Variants in ATP6V1H observed in about 807,000 individuals in gnomAD.
ATP6V1H encodes the protein V-type proton ATPase subunit H.
Under a neutral mutation model 71.7 loss-of-function variants are expected in ATP6V1H, and 39 were observed. That is an observed-to-expected ratio of 0.54 (90% CI 0.42 to 0.71). The LOEUF (loss-of-function observed/expected upper bound fraction) is 0.71. Ranked by LOEUF, ATP6V1H falls within the 30% of genes least tolerant of loss-of-function variation. The pLI is 0.00. For synonymous variants in ATP6V1H, 192 were observed against 199.3 expected (o/e 0.96, Z 0.31); for missense variants, 509 against 594.9 (o/e 0.86, Z 1.50).
At chr8:53,741,498 G>T (rs1807412064) in intron 13 of ATP6V1H, among the ~76,000 whole-genome samples, 1 of 152,114 alleles carries the variant, frequency 6.6e-6, no homozygotes, top group Non-Finnish European at 1.5e-5. Flanking sequence ...AAAACATCTG[G>T]CAACTATAAG....
chr8:53,764,871 G>A (rs552768433), intron 11 of ATP6V1H, among the ~76,000 whole-genome samples: 1 of 152,242 alleles, frequency 6.6e-6, no homozygotes, highest in African/African-American at 2.4e-5. Flanking sequence ...GCAGAGATGG[G>A]AGGACTGCTG....
At chr8:53,827,053 A>C (rs1005387745) in intron 4 of ATP6V1H, among the ~76,000 whole-genome samples, 6 of 151,940 alleles carry the variant, frequency 3.9e-5, no homozygotes, top group Admixed American at 3.9e-4. Flanking sequence ...CATAGTTTTG[A>C]CTTTTGGAAA....
intron 9 of ATP6V1H, among the ~76,000 whole-genome samples, chr8:53,793,660 G>A (rs1809638346): frequency 6.6e-6 from 1 of 151,834 alleles, no homozygotes; most frequent in Non-Finnish European, 1.5e-5. Context: ...AAAAAATGGT[G>A]GGGTACAGTG....
At chr8:53,828,794 G>C (rs763652795) in intron 4 of ATP6V1H, among the ~76,000 whole-genome samples, 9 of 152,020 alleles carry the variant, frequency 5.9e-5, no homozygotes, top group Non-Finnish European at 1.2e-4. Flanking sequence ...TAAACACCCA[G>C]ACTGACTCTT....
At chr8:53,728,470 T>C (rs1173131810) in intron 13 of ATP6V1H, among the ~76,000 whole-genome samples, 1 of 152,242 alleles carries the variant, frequency 6.6e-6, no homozygotes, top group Non-Finnish European at 1.5e-5. Context: ...AATAAAATAT[T>C]ATTAAAATTA....
chr8:53,815,033 G>T (rs141614079), intron 5 of ATP6V1H, among the ~76,000 whole-genome samples: 415 of 152,204 alleles, frequency 2.7e-3, no homozygotes, highest in Middle Eastern at 0.014. Flanking sequence ...AGTTTCAAAA[G>T]TAAGATTGGA....
At chr8:53,833,357 A>G (rs1811067438) in intron 2 of ATP6V1H, among the ~76,000 whole-genome samples, 1 of 152,198 alleles carries the variant, frequency 6.6e-6, no homozygotes, top group African/African-American at 2.4e-5. Context: ...AATTAAATTC[A>G]CATAAGGTGG....
At chr8:53,732,911 A>G (rs1807074007) in intron 13 of ATP6V1H, among the ~76,000 whole-genome samples, 1 of 152,218 alleles carries the variant, frequency 6.6e-6, no homozygotes, top group East Asian at 1.9e-4. Context: ...GCGAGAGGCC[A>G]GGGAAGGAAG....
chr8:53,718,384 A>ATTTTTTTT (rs35145366), intron 13 of ATP6V1H, among the ~76,000 whole-genome samples: 1 of 121,806 alleles, frequency 8.2e-6, no homozygotes, highest in East Asian at 2.4e-4. Flanking sequence ...CTCCTACACA[A>ATTTTTTTT]TTTTTTTTTT....
chr8:53,775,565 G>T (rs1213853200), intron 9 of ATP6V1H, among the ~76,000 whole-genome samples: 1 of 152,186 alleles, frequency 6.6e-6, no homozygotes, highest in Non-Finnish European at 1.5e-5. Context: ...GGTTCTCCAA[G>T]GCCCCACCAG....
intron 11 of ATP6V1H, among the ~76,000 whole-genome samples, chr8:53,759,166 A>G (rs1420577783): frequency 6.6e-6 from 1 of 152,244 alleles, no homozygotes; most frequent in Non-Finnish European, 1.5e-5. Context: ...ATAATGTTAG[A>G]ACTGGAAGGA....
At chr8:53,789,796 T>C (rs1337940143) in intron 9 of ATP6V1H, among the ~76,000 whole-genome samples, 1 of 152,090 alleles carries the variant, frequency 6.6e-6, no homozygotes, top group Non-Finnish European at 1.5e-5. Context: ...TTTCAAAAAA[T>C]ATATAACATA....
intron 13 of ATP6V1H, among the ~76,000 whole-genome samples, chr8:53,727,735 A>G (rs147079509): frequency 3.3e-5 from 5 of 152,182 alleles, no homozygotes; most frequent in South Asian, 2.1e-4. Context: ...CTCCAAACCT[A>G]TATTTCCAGC....
chr8:53,814,281 C>T (rs574897690), intron 6 of ATP6V1H, among the ~76,000 whole-genome samples: 3 of 152,120 alleles, frequency 2.0e-5, no homozygotes, highest in Admixed American at 6.5e-5. Flanking sequence ...CCGAGGCATG[C>T]TCTCTCCTGC....
intron 9 of ATP6V1H, among the ~76,000 whole-genome samples, chr8:53,790,432 C>T (rs1221928253): frequency 6.6e-6 from 1 of 152,152 alleles, no homozygotes; most frequent in Non-Finnish European, 1.5e-5. Context: ...ACGACCAGCC[C>T]TTTATACAGT....
rs531839801 is a variant in ATP6V1H at position 53,825,952 on chromosome 8, T to C, written c.306+3492A>G. ...TTACCCTGTGAAAAATGTTATAAGC[T>C]AAGACAAAAAGGTAAATAACAAACT... On this transcript the variant is annotated intron_variant, in intron 4 of 13. Coordinates refer to ENST00000359530, the MANE Select transcript of ATP6V1H (RefSeq NM_015941.4). Among the ~76,000 whole-genome samples, 4 of 152,020 alleles carry C rather than the reference T, an allele frequency of 2.6e-5. No individual in the cohort carries two copies. In the South Asian group the frequency reaches 8.3e-4, roughly 32 times the overall value.
chr8:53,743,471 C>T (rs1331126813), intron 13 of ATP6V1H, 106 bp downstream of exon 13: 25 of 746,790 alleles, frequency 3.3e-5, no homozygotes, highest in Non-Finnish European at 4.9e-5. Flanking sequence ...ATCAAAATAA[C>T]TAATTTTAAA....
At chr8:53,756,509 A>T in intron 12 of ATP6V1H, 46 bp downstream of exon 12, 1 of 1,468,544 alleles carries the variant, frequency 6.8e-7, no homozygotes, top group Admixed American at 1.7e-5. Flanking sequence ...AGGACTCTAC[A>T]CTGAAGGTTT....
chr8:53,718,747 G>A (rs1806516667), intron 13 of ATP6V1H, among the ~76,000 whole-genome samples: 1 of 152,124 alleles, frequency 6.6e-6, no homozygotes, highest in Non-Finnish European at 1.5e-5. Context: ...ACTTCTTCCT[G>A]ACCTAAGTAC....
Sources: allele counts gnomAD v4.1 joint callset (sites outside exome capture counted in the v4.1 genomes callset), GRCh38; gene constraint gnomAD v4.1.1; transcripts MANE v1.5; gene names NCBI Gene and HGNC (gene_info 2026-07-23, HGNC 2026-07-21).